BCAR3: variants seen among roughly 807,000 people sequenced by gnomAD.
BCAR3 encodes the protein breast cancer anti-estrogen resistance protein 3.
Under a neutral mutation model 80.1 loss-of-function variants are expected in BCAR3, and 37 were observed. That is an observed-to-expected ratio of 0.46 (90% CI 0.36 to 0.61). BCAR3 has a LOEUF of 0.61. Among genes scored for constraint, BCAR3 ranks in the 20% least tolerant of loss-of-function variants. The probability of loss-of-function intolerance (pLI) is 0.00; values close to 1 mark genes in which losing one functional copy is unlikely to be tolerated. For synonymous variants in BCAR3, 389 were observed against 418.9 expected, an observed-to-expected ratio of 0.93 and a Z score of 0.87; for missense variants, 978 against 1,068.2, an observed-to-expected ratio of 0.92 and a Z score of 1.18.
chr1:93,674,081 C>T (rs973986751), intron 2 of BCAR3, among the ~76,000 whole-genome samples: 2 of 152,022 alleles, frequency 1.3e-5, no homozygotes, highest in Non-Finnish European at 2.9e-5. Flanking sequence ...AAGGAACATA[C>T]CAAAATATTT....
At chr1:93,576,609 C>T (rs1372910819) in intron 7 of BCAR3, among the ~76,000 whole-genome samples, 2 of 152,214 alleles carry the variant, frequency 1.3e-5, no homozygotes, top group African/African-American at 4.8e-5. Flanking sequence ...GCTGCTATTA[C>T]CCTTAATTAC....
At chr1:93,764,395 C>T (rs565891958) in intron 2 of BCAR3, among the ~76,000 whole-genome samples, 7 of 152,182 alleles carry the variant, frequency 4.6e-5, no homozygotes, top group Non-Finnish European at 7.4e-5. Flanking sequence ...TCTCTGACAC[C>T]GCCATTCATC....
intron 3 of BCAR3, among the ~76,000 whole-genome samples, chr1:93,612,596 C>T (rs954609423): frequency 1.7e-4 from 26 of 152,150 alleles, no homozygotes; most frequent in African/African-American, 6.3e-4. Flanking sequence ...GAGTGAAACC[C>T]ACTGCCAATC....
chr1:93,670,771 A>G (rs1260921328), intron 2 of BCAR3, among the ~76,000 whole-genome samples: 1 of 152,162 alleles, frequency 6.6e-6, no homozygotes, highest in Non-Finnish European at 1.5e-5. Context: ...CTATCTGAAA[A>G]CTATAAAATG....
intron 8 of BCAR3, among the ~76,000 whole-genome samples, chr1:93,574,840 CAG>C (rs1673382630): frequency 1.3e-5 from 2 of 152,188 alleles, no homozygotes; most frequent in African/African-American, 4.8e-5. Context: ...TAGAATTCCC[CAG>C]AGGCTTAAGC....
At chr1:93,591,278 C>A (rs1334208845) in intron 4 of BCAR3, among the ~76,000 whole-genome samples, 1 of 150,668 alleles carries the variant, frequency 6.6e-6, no homozygotes, top group African/African-American at 2.4e-5. Context: ...AGTTCGAGAC[C>A]AGCCTGGCCA....
chr1:93,746,040 T>C (rs558797815), intron 2 of BCAR3, among the ~76,000 whole-genome samples: 2 of 152,360 alleles, frequency 1.3e-5, no homozygotes, highest in South Asian at 2.1e-4. Context: ...CTTGGGATGA[T>C]AGAAGGCTGC....
At chr1:93,601,505 A>G (rs1002838405) in intron 3 of BCAR3, among the ~76,000 whole-genome samples, 1 of 152,210 alleles carries the variant, frequency 6.6e-6, no homozygotes, top group African/African-American at 2.4e-5. Context: ...ATATCTCACT[A>G]TTAACAAGTA....
At chr1:93,847,461 C>T (rs948301120), upstream of BCAR3, 2 of 152,368 alleles carry the variant, frequency 1.3e-5, no homozygotes, top group Non-Finnish European at 2.9e-5. Context: ...TGGCAGTGCC[C>T]TGAGCGCGGC....
intron 2 of BCAR3, among the ~76,000 whole-genome samples, chr1:93,711,436 G>A (rs1439144226): frequency 6.6e-6 from 1 of 152,230 alleles, no homozygotes; most frequent in Non-Finnish European, 1.5e-5. Flanking sequence ...CCACGTGGCA[G>A]CTACAGAGTT....
At chr1:93,744,068 C>T (rs1166441371) in intron 2 of BCAR3, among the ~76,000 whole-genome samples, 1 of 152,178 alleles carries the variant, frequency 6.6e-6, no homozygotes, top group Non-Finnish European at 1.5e-5. Context: ...CCCCACCACC[C>T]ACACTGTACA....
intron 2 of BCAR3, among the ~76,000 whole-genome samples, chr1:93,751,692 C>T (rs991693734): frequency 6.6e-6 from 1 of 152,206 alleles, no homozygotes; most frequent in South Asian, 2.1e-4. Flanking sequence ...TGCTGTATCA[C>T]CCCTTTCCTC....
intron 2 of BCAR3, among the ~76,000 whole-genome samples, chr1:93,813,927 T>A (rs1571145724): frequency 6.6e-6 from 1 of 152,348 alleles, no homozygotes; most frequent in Non-Finnish European, 1.5e-5. Flanking sequence ...TTTCTTTGAC[T>A]TTTTGGACCT....
At chr1:93,598,442 C>T (rs1674512007) in intron 3 of BCAR3, among the ~76,000 whole-genome samples, 1 of 152,150 alleles carries the variant, frequency 6.6e-6, no homozygotes, top group African/African-American at 2.4e-5. Flanking sequence ...TGCAAATCGG[C>T]AGGAAAGACT....
chr1:93,767,426 A>G (rs2100736203), intron 2 of BCAR3, among the ~76,000 whole-genome samples: 1 of 151,574 alleles, frequency 6.6e-6, no homozygotes, highest in East Asian at 1.9e-4. Context: ...TGGGAGACTG[A>G]GGTGGGAGGA....
intron 2 of BCAR3, among the ~76,000 whole-genome samples, chr1:93,659,944 G>A (rs760172728): frequency 4.6e-5 from 7 of 151,960 alleles, no homozygotes; most frequent in African/African-American, 9.7e-5. Flanking sequence ...GTGTATTCCC[G>A]TCTATGTCCC....
At chr1:93,800,517 AG>A (rs1474041272) in intron 2 of BCAR3, among the ~76,000 whole-genome samples, 1 of 152,142 alleles carries the variant, frequency 6.6e-6, no homozygotes, top group East Asian at 1.9e-4. Context: ...CAGAGGTTGC[AG>A]TGAGCTGAGA....
intron 2 of BCAR3, among the ~76,000 whole-genome samples, chr1:93,762,228 A>G (rs534153850): frequency 1.9e-4 from 29 of 152,298 alleles, no homozygotes; most frequent in Admixed American, 1.8e-3. Flanking sequence ...TCTCACTTTC[A>G]TGATGCACAG....
intron 2 of BCAR3, among the ~76,000 whole-genome samples, chr1:93,801,327 T>A (rs1313673960): frequency 6.6e-6 from 1 of 152,238 alleles, no homozygotes; most frequent in African/African-American, 2.4e-5. Flanking sequence ...GGCCAATTTA[T>A]CGCAAGTTTC....
Sources: allele counts gnomAD v4.1 joint callset (sites outside exome capture counted in the v4.1 genomes callset), GRCh38; gene constraint gnomAD v4.1.1; transcripts MANE v1.5; gene names NCBI Gene and HGNC (gene_info 2026-07-23, HGNC 2026-07-21).